Variants in SMO observed in about 807,000 individuals in gnomAD.
SMO encodes the protein protein smoothened.
In SMO, 40 loss-of-function variants were observed where a neutral mutation model predicts 81.6. That is an observed-to-expected ratio of 0.49 (90% CI 0.38 to 0.64). The LOEUF (loss-of-function observed/expected upper bound fraction) is 0.64, where lower values mean the gene tolerates loss of function less well. SMO is among the 30% of genes least tolerant of loss of function. SMO has a pLI of 0.00. For missense variants in SMO, 916 were observed against 1,061.1 expected, an observed-to-expected ratio of 0.86 and a Z score of 1.90; for synonymous variants, 434 against 432.1, an observed-to-expected ratio of 1.00 and a Z score of -0.05.
At chr7:129,204,743 C>A (rs746709071) in intron 2 of SMO, among the ~76,000 whole-genome samples, 5 of 151,980 alleles carry the variant, frequency 3.3e-5, no homozygotes, top group African/African-American at 1.2e-4. Context: ...ACTGGCCGGG[C>A]GCAGTGGCTC....
intron 1 of SMO, among the ~76,000 whole-genome samples, chr7:129,194,069 C>T (rs2150641386): frequency 6.6e-6 from 1 of 151,506 alleles, no homozygotes; most frequent in Non-Finnish European, 1.5e-5. Context: ...CACTGCCCTC[C>T]AGACTGGGCA....
At position 129,210,367 on chromosome 7, in the gene SMO, C is replaced by A; in HGVS notation, c.1471C>A (p.Gln491Lys). 1 of 1,613,436 alleles carries A rather than the reference C, an allele frequency of 6.2e-7. No individual in the cohort carries two copies. The highest frequency in any genetic ancestry group is 1.1e-5 in the South Asian group (1 of 91,014). ...ERSFRDYVLCQANVTIGLPTK... is the reference protein window; with the variant it reads ...ERSFRDYVLCKANVTIGLPTK... The stretch of plus-strand genomic sequence containing the variant: ...GTCTACGTTCCCTCACTGTAGATGT[C>A]AGGCCAATGTGACCATCGGGCTGCC... The change falls in exon 9 of 12, where the codon CAG becomes AAG. Residue 491 changes from glutamine (Q) to lysine (K), a missense_variant. By Grantham distance (53) the Gln-to-Lys change is moderately conservative (BLOSUM62 1). This residue lies in a region of SMO where 436 missense variants were observed against 570.9 expected (regional missense o/e 0.76). Transcript: ENST00000249373. The surrounding 1 kb of genome is among the most constrained non-coding windows in gnomAD (Gnocchi z 4.7).
chr7:129,195,593 G>GATA (rs1269741849), intron 1 of SMO, among the ~76,000 whole-genome samples: 1 of 151,768 alleles, frequency 6.6e-6, no homozygotes, highest in African/African-American at 2.4e-5. Context: ...TGAGTTTATA[G>GATA]GATTACAAAG....
rs984387114 is a variant in SMO, at chr7:129,188,846, GGGA to G, written c.-305_-303del. 5 of 260,882 alleles carry G rather than the reference GGGA, an allele frequency of 1.9e-5. No homozygotes were observed. The highest frequency in any genetic ancestry group is 3.7e-5 in the Non-Finnish European group (5 of 136,842). 16.2% of individuals were successfully genotyped at this position (260,882 alleles called of 1,614,324 possible). On this transcript the variant is annotated 5_prime_UTR_variant, in exon 1 of 12. Transcript: ENST00000249373. The surrounding 1 kb of genome is among the most constrained non-coding windows in gnomAD (Gnocchi z 4.9). ...AATGGTGGGAGAGGGAATGGGGCTGGGGATTGGGGGCCCAGGGGTCTCCTAGGG... is the reference window on the plus strand; with the variant it reads ...AATGGTGGGAGAGGGAATGGGGCTGGTTGGGGGCCCAGGGGTCTCCTAGGG...
At position 129,206,454 on chromosome 7, in the gene SMO, C is replaced by G; in HGVS notation, c.1141-10C>G. ...TAACCCACCTTCTGTCCCACCCCTT[C>G]CTGCTGCAGGTGGATGGGGACTCTG... On this transcript the variant is annotated splice_polypyrimidine_tract_variant and intron_variant, in intron 5 of 11. Coordinates refer to ENST00000249373, the MANE Select transcript of SMO (RefSeq NM_005631.5). The surrounding 1 kb of genome is among the most constrained non-coding windows in gnomAD (Gnocchi z 4.4). The G allele has an allele frequency of 6.2e-7, 1 of 1,613,942 alleles. No homozygotes were observed. The highest frequency in any genetic ancestry group is 8.5e-7 in the Non-Finnish European group (1 of 1,179,872).
rs1793447500 is a variant in SMO at position 129,189,362 on chromosome 7, G to A, written c.211G>A (p.Glu71Lys). ...LSHCGRAAPC[E>K]PLRYNVCLGS... The stretch of plus-strand genomic sequence containing the variant: ...CCACTGCGGCCGGGCTGCCCCCTGC[G>A]AGCCGCTGCGCTACAACGTGTGCCT... The change falls in exon 1 of 12, where the codon GAG (glutamate) becomes AAG (lysine). Residue 71 changes from glutamate (E) to lysine (K), a missense_variant. Coordinates refer to ENST00000249373, the MANE Select transcript of SMO (RefSeq NM_005631.5). This position sits in a 1 kb window ranked among gnomAD's most constrained non-coding sequence, Gnocchi z 4.7. 6.5e-7 allele frequency: 1 copy of A among 1,530,088 alleles called. No individual in the cohort carries two copies. The highest frequency in any genetic ancestry group is 8.7e-7 in the Non-Finnish European group (1 of 1,144,386). The allele number at this position is 1,530,088 out of a possible 1,614,324, so 94.8% of individuals were successfully genotyped here. A position where few individuals can be genotyped will look rare whatever the true frequency, so the allele number is the denominator to read the frequency against.
rs1344888015 is a variant in SMO at position 129,212,033 on chromosome 7, A to G, written c.1946A>G (p.Glu649Gly). The G allele has an allele frequency of 1.3e-6, 2 of 1,586,738 alleles. No individual in the cohort carries two copies. Among genetic ancestry groups the G allele is most frequent in the Non-Finnish European group, 8.5e-7 (1 of 1,173,108 alleles). The change falls in exon 12 of 12, where the codon GAG (glutamate) becomes GGG (glycine). Residue 649 changes from glutamate to glycine, a missense_variant. Physicochemically the swap from Glu to Gly is moderately conservative, Grantham distance 98. Transcript: ENST00000249373. This position sits in a 1 kb window ranked among gnomAD's most constrained non-coding sequence, Gnocchi z 5.0. ...TCTCTCCTCCTGTCAGTGCCCCCAG[A>G]GGAACAAGCCAACCTGTGGCTGGTT... Reference protein sequence around the residue: ...VTPVATPVPPEEQANLWLVEA... With the variant: ...VTPVATPVPPGEQANLWLVEA...
Position 129,203,478 on chromosome 7 carries a change from C to A in SMO, c.426C>A (p.Pro142=), listed in dbSNP as rs1408461929. The part of the protein sequence containing the change: ...PKCENDRVEL[P]SRTLCQATRG... Reference sequence around the variant, plus strand: ...GTGAGAATGACCGGGTGGAGCTGCCCAGCCGTACCCTCTGCCAGGCCACCC... The same window carrying A: ...GTGAGAATGACCGGGTGGAGCTGCCAAGCCGTACCCTCTGCCAGGCCACCC... Residue 142 remains proline (P), a synonymous_variant, in exon 2 of 12, where the codon CCC becomes CCA. Coordinates refer to ENST00000249373, the MANE Select transcript of SMO (RefSeq NM_005631.5). The A allele has an allele frequency of 6.3e-7, 1 of 1,595,066 alleles. No homozygotes were observed. The highest frequency in any genetic ancestry group is 8.5e-7 in the Non-Finnish European group (1 of 1,171,272).
Position 129,212,952 on chromosome 7 carries a change from C to T in SMO, c.*501C>T, listed in dbSNP as rs949345754. 2.3e-5 allele frequency: 6 copies of T among 263,898 alleles called. No individual in the cohort carries two copies. Among genetic ancestry groups the T allele is most frequent in the Non-Finnish European group, 3.6e-5 (5 of 138,394 alleles). 16.3% of individuals were successfully genotyped at this position (263,898 alleles called of 1,614,324 possible). A position where few individuals can be genotyped will look rare whatever the true frequency, so the allele number is the denominator to read the frequency against. On this transcript the variant is annotated 3_prime_UTR_variant, in exon 12 of 12. Coordinates refer to ENST00000249373, the MANE Select transcript of SMO (RefSeq NM_005631.5). This position sits in a 1 kb window ranked among gnomAD's most constrained non-coding sequence, Gnocchi z 5.0. ...CCTTTGTCTAAGTAGGGCCAGGGCA[C>T]CGTATTCCTCTCCCAGGTGTTTGTG... is the stretch of plus-strand genomic sequence containing the variant.
Position 129,210,935 on chromosome 7 carries a change from A to G in SMO, c.1653-30A>G, listed in dbSNP as rs2150654451. The G allele has an allele frequency of 6.4e-7, 1 of 1,552,758 alleles. No homozygotes were observed. Among genetic ancestry groups the G allele is most frequent in the Non-Finnish European group, 8.7e-7 (1 of 1,148,378 alleles). On this transcript the variant is annotated intron_variant, in intron 9 of 11. Transcript: ENST00000249373. This position sits in a 1 kb window ranked among gnomAD's most constrained non-coding sequence, Gnocchi z 4.7. ...TTTGATGGGAAGTGGCAGCTTCTTC[A>G]CGCTCCTTCCCTATCCCTTCTGCTC...
rs539187689 is a variant in SMO, at chr7:129,210,634, T to G, written c.1652+86T>G. The stretch of plus-strand genomic sequence containing the variant: ...TCTTTAGGTTTTGTCGGGTCCTGCC[T>G]CTAGCACAGCCTTGGTCAGTGGTTC... On this transcript the variant is annotated intron_variant, in intron 9 of 11. Transcript: ENST00000249373. The surrounding 1 kb of genome is among the most constrained non-coding windows in gnomAD (Gnocchi z 4.7). The G allele has an allele frequency of 4.1e-5, 46 of 1,108,758 alleles. No homozygotes were observed. Among genetic ancestry groups the G allele is most frequent in the Admixed American group, 3.5e-4 (19 of 53,718 alleles). The allele number at this position is 1,108,758 out of a possible 1,614,324, so 68.7% of individuals were successfully genotyped here.
chr7:129,189,014 G>C lies in SMO; in HGVS notation c.-138G>C, dbSNP rs1041353043. 1 of 703,616 alleles carries C rather than the reference G, an allele frequency of 1.4e-6. No individual in the cohort carries two copies. The allele number at this position is 703,616 out of a possible 1,614,324, so 43.6% of individuals were successfully genotyped here. ...GGGCCGGGGCGCGCGGAGCGTCCGG[G>C]GGGGCCCGGGCCCGGATTCTCTGGG... On this transcript the variant is annotated 5_prime_UTR_variant, in exon 1 of 12. Coordinates refer to ENST00000249373, the MANE Select transcript of SMO (RefSeq NM_005631.5). This position sits in a 1 kb window ranked among gnomAD's most constrained non-coding sequence, Gnocchi z 4.7.
rs200510336 is a variant in SMO, at chr7:129,208,811, G to C, written c.1317G>C (p.Glu439Asp). The change falls in exon 7 of 12, where the codon GAG becomes GAC. Residue 439 changes from glutamate (E) to aspartate (D), a missense_variant. By Grantham distance (45) the Glu-to-Asp change is conservative. Around this residue, in one of 4 missense-constraint regions of SMO, gnomAD observed 436 missense variants for 570.9 expected, o/e 0.76. Coordinates refer to ENST00000249373, the MANE Select transcript of SMO (RefSeq NM_005631.5). This position sits in a 1 kb window ranked among gnomAD's most constrained non-coding sequence, Gnocchi z 5.2. ...GCAACCACCCCGGGCTGCTGAGTGA[G>C]AAGGCTGCCAGCAAGATCAACGAGA... Reference protein sequence around the residue: ...IKSNHPGLLSEKAASKINETM... With the variant: ...IKSNHPGLLSDKAASKINETM... 6.2e-7 allele frequency: 1 copy of C among 1,614,054 alleles called. No homozygotes were observed. Among genetic ancestry groups the C allele is most frequent in the South Asian group, 1.1e-5 (1 of 91,062 alleles).
At chr7:129,195,871 G>A (rs1015536339) in intron 1 of SMO, among the ~76,000 whole-genome samples, 5 of 152,084 alleles carry the variant, frequency 3.3e-5, no homozygotes, top group African/African-American at 1.2e-4. Context: ...GGAGGTCAAG[G>A]TGGGCAGATC....
In SMO at chr7:129,210,378, GACCATCGGGCTGCCC is replaced by G. The variant is rs748418402; in HGVS notation, c.1487_1501del (p.Ile496_Thr500del). 6.2e-7 allele frequency: 1 copy of G among 1,613,942 alleles called. No individual in the cohort carries two copies. Among genetic ancestry groups the G allele is most frequent in the Admixed American group, 1.7e-5 (1 of 60,028 alleles). ...CTCACTGTAGATGTCAGGCCAATGTGACCATCGGGCTGCCCACCAAGCAGCCCATCCCTGACTGTG... is the reference window on the plus strand; with the variant it reads ...CTCACTGTAGATGTCAGGCCAATGTGACCAAGCAGCCCATCCCTGACTGTG... On this transcript the variant is annotated inframe_deletion, in exon 9 of 12. Coordinates refer to ENST00000249373, the MANE Select transcript of SMO (RefSeq NM_005631.5). The surrounding 1 kb of genome is among the most constrained non-coding windows in gnomAD (Gnocchi z 4.7).
Position 129,211,738 on chromosome 7 carries a change from AG to A in SMO, c.1906del (p.Asp636IlefsTer140). 1 of 1,614,026 alleles carries A rather than the reference AG, an allele frequency of 6.2e-7. No homozygotes were observed. Among genetic ancestry groups the A allele is most frequent in the Non-Finnish European group, 8.5e-7 (1 of 1,179,986 alleles). ...MVARRGAILP[Q>X]DISVTPVATP... Reference sequence around the variant, plus strand: ...GCTCGGAGAGGAGCCATACTGCCCCAGGATATTTCTGTCACCCCTGTGGCAA... The same window carrying A: ...GCTCGGAGAGGAGCCATACTGCCCCAGATATTTCTGTCACCCCTGTGGCAA... On this transcript the variant is annotated frameshift_variant, in exon 11 of 12. Coordinates refer to ENST00000249373, the MANE Select transcript of SMO (RefSeq NM_005631.5). LOFTEE classifies it high-confidence loss of function. The surrounding 1 kb of genome is among the most constrained non-coding windows in gnomAD (Gnocchi z 4.6).
chr7:129,203,234 G>T (rs1793698855), intron 1 of SMO, 150 bp from the exon 2 acceptor site: 1 of 636,640 alleles, frequency 1.6e-6, no homozygotes, highest in African/African-American at 1.8e-5. Flanking sequence ...GAACTGTCCT[G>T]CCCAGATGCA....
chr7:129,202,316 G>T (rs929297711), intron 1 of SMO, among the ~76,000 whole-genome samples: 1 of 152,090 alleles, frequency 6.6e-6, no homozygotes, highest in Admixed American at 6.6e-5. Flanking sequence ...TTGGACCCAG[G>T]CTGGGCAGTT....
At chr7:129,193,776 AAAAAAAAAAATATATATATATAT>A (rs1793516106) in intron 1 of SMO, among the ~76,000 whole-genome samples, 1 of 93,196 alleles carries the variant, frequency 1.1e-5, no homozygotes, top group African/African-American at 4.1e-5. Context: ...AAAAAAAAAA[AAAAAAAAAAATATATATATATAT>A]ATATATATAT....
Sources: gnomAD v4.1 joint callset for allele counts (sites outside exome capture counted in the v4.1 genomes callset) on GRCh38, gnomAD v4.1.1 for gene constraint, gnomAD v4.1.1 regional missense constraint, Gnocchi (gnomAD v3.1) non-coding constraint, MANE v1.5 for transcripts, NCBI Gene and HGNC (gene_info 2026-07-23, HGNC 2026-07-21) for gene names.